The following MAP2K6 variants were observed in gnomAD, a reference collection of about 807,000 sequenced individuals.
MAP2K6 encodes the protein dual specificity mitogen-activated protein kinase kinase 6.
In MAP2K6, 16 loss-of-function variants were observed where a neutral mutation model predicts 53.7. That is an observed-to-expected ratio of 0.30 (90% CI 0.20 to 0.45). MAP2K6 has a LOEUF of 0.45. Among genes scored for constraint, MAP2K6 ranks in the 20% least tolerant of loss-of-function variants. The probability of loss-of-function intolerance (pLI) is 1.00; values close to 1 mark genes in which losing one functional copy is unlikely to be tolerated. For synonymous variants in MAP2K6, 132 were observed against 143.1 expected, an observed-to-expected ratio of 0.92 and a Z score of 0.55; for missense variants, 204 against 411.9, an observed-to-expected ratio of 0.50 and a Z score of 4.37.
rs888471188 is a variant in MAP2K6 at position 69,432,857 on chromosome 17, T to C, written c.16+17857T>C. 2.6e-5 allele frequency among the ~76,000 whole-genome samples: 4 copies of C among 151,280 alleles called. No individual in the cohort carries two copies. The East Asian group carries it at 5.8e-4, about 22-fold the overall frequency. ...CTTGGTTATTACAGATGCATCTCCT[T>C]GGATTTGCTTATATTCTTTGTGAGG... On this transcript the variant is annotated intron_variant, in intron 1 of 11. Transcript: ENST00000590474.
chr17:69,454,005 A>G (rs960329172), intron 1 of MAP2K6, among the ~76,000 whole-genome samples: 2 of 152,250 alleles, frequency 1.3e-5, no homozygotes, highest in Non-Finnish European at 2.9e-5. Flanking sequence ...AAATTTACCC[A>G]TGTAGGTAAC....
intron 1 of MAP2K6, among the ~76,000 whole-genome samples, chr17:69,500,948 C>T (rs1909147321): frequency 6.6e-6 from 1 of 152,088 alleles, no homozygotes; most frequent in African/African-American, 2.4e-5. Flanking sequence ...TTCCTGCATG[C>T]CTCTTCCCCT....
At chr17:69,472,599 G>A (rs1198001131) in intron 1 of MAP2K6, among the ~76,000 whole-genome samples, 2 of 152,192 alleles carry the variant, frequency 1.3e-5, no homozygotes, top group East Asian at 1.9e-4. Flanking sequence ...AGACGGGATG[G>A]CATCCTGTCC....
In MAP2K6 at chr17:69,553,376, T is replaced by C. The variant is rs1912173254; in HGVS notation, c.*11623T>C. Reference sequence around the variant, plus strand: ...TTTGACCAAGGAAACAGCTGAGATATTAAACCATGTGGTTGTTCCACGGTT... The same window carrying C: ...TTTGACCAAGGAAACAGCTGAGATACTAAACCATGTGGTTGTTCCACGGTT... On this transcript the variant is annotated 3_prime_UTR_variant, in exon 12 of 12. Coordinates refer to ENST00000590474, the MANE Select transcript of MAP2K6 (RefSeq NM_002758.4). 1 of 152,254 alleles carries C rather than the reference T, an allele frequency of 6.6e-6. No individual in the cohort carries two copies. The highest frequency in any genetic ancestry group is 2.1e-4 in the South Asian group (1 of 4,824). The allele number at this position is 152,254 out of a possible 1,614,324, so 9.4% of individuals were successfully genotyped here.
At chr17:69,488,247 G>C (rs573865909) in intron 1 of MAP2K6, among the ~76,000 whole-genome samples, 1 of 152,024 alleles carries the variant, frequency 6.6e-6, no homozygotes, top group East Asian at 1.9e-4. Context: ...CAGTGAGAAT[G>C]GTTATTATTA....
At chr17:69,484,709 C>T (rs903238257) in intron 1 of MAP2K6, among the ~76,000 whole-genome samples, 12 of 151,938 alleles carry the variant, frequency 7.9e-5, no homozygotes, top group Admixed American at 7.9e-4. Context: ...AAAGGTGGCA[C>T]AGGTATTCTA....
chr17:69,476,678 T>C (rs1265391707), intron 1 of MAP2K6, among the ~76,000 whole-genome samples: 1 of 152,174 alleles, frequency 6.6e-6, no homozygotes, highest in Non-Finnish European at 1.5e-5. Context: ...TACATGTCAA[T>C]TTATGTAAGC....
At chr17:69,501,771 C>T (rs973592278) in intron 1 of MAP2K6, 5 of 151,742 alleles carry the variant, frequency 3.3e-5, no homozygotes, top group African/African-American at 9.7e-5. Context: ...TCTCTGTTTC[C>T]GAGAAGGCTT....
rs1911888905 is a variant in MAP2K6 at position 69,546,616 on chromosome 17, G to A, written c.*4863G>A. On this transcript the variant is annotated 3_prime_UTR_variant, in exon 12 of 12. Transcript: ENST00000590474. ...CTAGTTCCTAATTTCCTACCCAAAT[G>A]CTGTTTTGGCTGTGTTACTCCCTCT... The A allele has an allele frequency of 6.6e-6, 1 of 152,184 alleles. No homozygotes were observed. The highest frequency in any genetic ancestry group is 2.1e-4 in the South Asian group (1 of 4,820). 9.4% of individuals were successfully genotyped at this position (152,184 alleles called of 1,614,324 possible).
intron 7 of MAP2K6, among the ~76,000 whole-genome samples, chr17:69,522,926 T>C (rs996457996): frequency 6.9e-6 from 1 of 144,764 alleles, no homozygotes; most frequent in Non-Finnish European, 1.5e-5. Context: ...CTGGGCATGG[T>C]GGTTCCCACC....
At chr17:69,452,940 T>C (rs756922452) in intron 1 of MAP2K6, among the ~76,000 whole-genome samples, 2 of 152,244 alleles carry the variant, frequency 1.3e-5, no homozygotes, top group Non-Finnish European at 2.9e-5. Context: ...ACTTTGGTGC[T>C]GTCTTTCATT....
At chr17:69,504,498 A>G (rs1403512563) in intron 1 of MAP2K6, 1 of 152,290 alleles carries the variant, frequency 6.6e-6, no homozygotes, top group Non-Finnish European at 1.5e-5. Flanking sequence ...GATGGTCTCC[A>G]TCTCCTGACC....
intron 1 of MAP2K6, among the ~76,000 whole-genome samples, chr17:69,465,567 C>T (rs1907767450): frequency 6.6e-6 from 1 of 151,486 alleles, no homozygotes; most frequent in Non-Finnish European, 1.5e-5. Flanking sequence ...GTAGAGGTGA[C>T]AAGGTAGGGG....
chr17:69,485,032 A>G (rs184722008), intron 1 of MAP2K6, among the ~76,000 whole-genome samples: 2 of 152,164 alleles, frequency 1.3e-5, no homozygotes, highest in Non-Finnish European at 2.9e-5. Flanking sequence ...ACAGCTCTGA[A>G]TATTCTAAAA....
At position 69,505,799 on chromosome 17, in the gene MAP2K6, C is replaced by T. The variant is rs1212219210; in HGVS notation, c.36C>T (p.Gly12=). ...CCATAGGCAAGAAGCGAAACCCTGG[C>T]CTTAAAATTCCAAAAGAAGCATTTG... is the stretch of plus-strand genomic sequence containing the variant. ...SQSKGKKRNP[G]LKIPKEAFEQ... The change falls in exon 2 of 12, where the codon GGC becomes GGT. Residue 12 remains glycine, a synonymous_variant. Coordinates refer to ENST00000590474, the MANE Select transcript of MAP2K6 (RefSeq NM_002758.4). 5.0e-6 allele frequency: 8 copies of T among 1,613,888 alleles called. No homozygotes were observed. The highest frequency in any genetic ancestry group is 1.6e-4 in the Middle Eastern group (1 of 6,062).
chr17:69,536,523 A>G (rs1239033056), intron 11 of MAP2K6, among the ~76,000 whole-genome samples: 1 of 152,198 alleles, frequency 6.6e-6, no homozygotes, highest in Admixed American at 6.5e-5. Context: ...AGGAAAACTT[A>G]AATGCTCTTT....
At chr17:69,518,218 A>AATG (rs1910276491) in intron 4 of MAP2K6, among the ~76,000 whole-genome samples, 1 of 151,764 alleles carries the variant, frequency 6.6e-6, no homozygotes. Flanking sequence ...TAATAATAAT[A>AATG]ATGATACTTC....
chr17:69,504,879 G>GTTC (rs1439365579), intron 1 of MAP2K6, among the ~76,000 whole-genome samples: 1 of 152,126 alleles, frequency 6.6e-6, no homozygotes, highest in Non-Finnish European at 1.5e-5. Context: ...TTCTGGAACA[G>GTTC]GGAAAATGTA....
chr17:69,526,146 T>C (rs905675902), intron 9 of MAP2K6, among the ~76,000 whole-genome samples: 4 of 152,208 alleles, frequency 2.6e-5, no homozygotes, highest in Admixed American at 6.5e-5. Flanking sequence ...GGTTGCTTTT[T>C]CTCCCTGTCA....
Sources: allele counts gnomAD v4.1 joint callset (sites outside exome capture counted in the v4.1 genomes callset), GRCh38; gene constraint gnomAD v4.1.1; transcripts MANE v1.5; gene names NCBI Gene and HGNC (gene_info 2026-07-23, HGNC 2026-07-21).